SLC22A23: variants seen among roughly 807,000 people sequenced by gnomAD.
The protein encoded by SLC22A23 is solute carrier family 22 member 23.
In SLC22A23, 26 loss-of-function variants were observed where a neutral mutation model predicts 61.0. The ratio of observed to expected loss-of-function variants is 0.43; its 90% CI spans 0.31 to 0.59. The LOEUF (loss-of-function observed/expected upper bound fraction) is 0.59. Among genes scored for constraint, SLC22A23 ranks in the 20% least tolerant of loss-of-function variants. SLC22A23 has a pLI of 0.11. For synonymous variants in SLC22A23, 430 were observed against 413.9 expected, an observed-to-expected ratio of 1.04 and a Z score of -0.47; for missense variants, 796 against 934.7, an observed-to-expected ratio of 0.85 and a Z score of 1.94.
At chr6:3,406,042 G>T (rs1015900191) in intron 3 of SLC22A23, among the ~76,000 whole-genome samples, 2 of 152,044 alleles carry the variant, frequency 1.3e-5, no homozygotes, top group Admixed American at 1.3e-4. Flanking sequence ...TTCATTGTTG[G>T]GGGGAAAAAA....
chr6:3,381,583 C>T (rs758497165), intron 3 of SLC22A23, among the ~76,000 whole-genome samples: 111 of 152,320 alleles, frequency 7.3e-4, no homozygotes, highest in Non-Finnish European at 1.3e-3. Flanking sequence ...CAGCCAGACA[C>T]GCTGTGCTCC....
rs1351468312 is a variant in SLC22A23, at chr6:3,387,248, G to A, written c.913+22940C>T. On this transcript the variant is annotated intron_variant, in intron 3 of 9. Transcript: ENST00000406686. This position sits in a 1 kb window ranked among gnomAD's most constrained non-coding sequence, Gnocchi z 5.0. ...CCCATCTCAACTGAGGAAGGTTAGC[G>A]TGACCAGTGACAGCTCACGCTGACG... is the stretch of plus-strand genomic sequence containing the variant. Among the ~76,000 whole-genome samples, 1 of 152,250 alleles carries A rather than the reference G, an allele frequency of 6.6e-6. No individual in the cohort carries two copies. The highest frequency in any genetic ancestry group is 2.4e-5 in the African/African-American group (1 of 41,464).
chr6:3,420,237 A>G (rs1770027216), intron 1 of SLC22A23, among the ~76,000 whole-genome samples: 1 of 152,042 alleles, frequency 6.6e-6, no homozygotes, highest in African/African-American at 2.4e-5. Context: ...AATGAGAAAA[A>G]AAAAAAAAAA....
In SLC22A23 at chr6:3,318,587, G is replaced by A. The variant is rs889365963; in HGVS notation, c.1082+5247C>T. ...TGGCCCACCCCAGTGCTTCCCAGGA[G>A]GCCCTGTGTGGTCCTATGTACCCCT... On this transcript the variant is annotated intron_variant, in intron 4 of 9. Coordinates refer to ENST00000406686, the MANE Select transcript of SLC22A23 (RefSeq NM_015482.2). The surrounding 1 kb of genome is among the most constrained non-coding windows in gnomAD (Gnocchi z 4.3). Among the ~76,000 whole-genome samples the A allele has an allele frequency of 3.2e-4, 49 of 152,152 alleles. No individual in the cohort carries two copies. Among genetic ancestry groups the A allele is most frequent in the South Asian group, 1.7e-3 (8 of 4,824 alleles).
In SLC22A23 at chr6:3,292,492, C is replaced by A. The variant is rs555370709; in HGVS notation, c.1211-2626G>T. Among the ~76,000 whole-genome samples, 997 of 152,290 alleles carry A rather than the reference C, an allele frequency of 6.5e-3. 3 individuals are homozygous for A. The highest frequency in any genetic ancestry group is 0.011 in the Non-Finnish European group (746 of 68,028). On this transcript the variant is annotated intron_variant, in intron 5 of 9. Coordinates refer to ENST00000406686, the MANE Select transcript of SLC22A23 (RefSeq NM_015482.2). ...GAGCACCCAGCTCCCATGCTCTCCT[C>A]GAGACAGAGGAGGAGGAGGACACAT...
chr6:3,450,572 T>C (rs1007574776), intron 1 of SLC22A23, among the ~76,000 whole-genome samples: 3 of 152,246 alleles, frequency 2.0e-5, no homozygotes, highest in African/African-American at 7.2e-5. Context: ...CCCAAAGTGC[T>C]GGCATTACAG....
In SLC22A23 at chr6:3,386,369, C is replaced by T. The variant is rs916877827; in HGVS notation, c.913+23819G>A. 1.3e-5 allele frequency among the ~76,000 whole-genome samples: 2 copies of T among 152,182 alleles called. No homozygotes were observed. The highest frequency in any genetic ancestry group is 2.4e-5 in the African/African-American group (1 of 41,444). ...GGAGAGCGAAGGAGAAGGGAGAGCA[C>T]GCTTGCTCTGTGTACGCCACACGCA... On this transcript the variant is annotated intron_variant, in intron 3 of 9. Transcript: ENST00000406686. This position sits in a 1 kb window ranked among gnomAD's most constrained non-coding sequence, Gnocchi z 4.4.
At chr6:3,294,632 G>A (rs1349350659) in intron 5 of SLC22A23, among the ~76,000 whole-genome samples, 3 of 152,162 alleles carry the variant, frequency 2.0e-5, no homozygotes, top group Non-Finnish European at 4.4e-5. Context: ...GAACCAGCGG[G>A]CCTTCTACTC....
At chr6:3,331,552 T>C (rs1440858389) in intron 3 of SLC22A23, among the ~76,000 whole-genome samples, 1 of 152,196 alleles carries the variant, frequency 6.6e-6, no homozygotes, top group East Asian at 1.9e-4. Flanking sequence ...GGATAATAAT[T>C]TGAGGAAAAT....
intron 6 of SLC22A23, among the ~76,000 whole-genome samples, 159 bp downstream of exon 6, chr6:3,289,605 G>A (rs1003046283): frequency 3.9e-5 from 6 of 152,306 alleles, no homozygotes; most frequent in East Asian, 1.9e-4. Flanking sequence ...TTCCGGGAGC[G>A]GGGGAGGTCA....
intron 9 of SLC22A23, among the ~76,000 whole-genome samples, chr6:3,274,546 G>A (rs1758722023): frequency 6.6e-6 from 1 of 152,196 alleles, no homozygotes; most frequent in African/African-American, 2.4e-5. Flanking sequence ...CTGAAAGGGA[G>A]GTCCCTGCAA....
At chr6:3,350,436 T>C (rs1460515305) in intron 3 of SLC22A23, among the ~76,000 whole-genome samples, 1 of 152,244 alleles carries the variant, frequency 6.6e-6, no homozygotes, top group African/African-American at 2.4e-5. Flanking sequence ...GTGAAGTTTA[T>C]GTGAAATTGA....
At position 3,430,082 on chromosome 6, in the gene SLC22A23, A is replaced by G. The variant is rs113121734; in HGVS notation, c.655-14227T>C. ...ACACGCACACACAAAAAAAAGTTTA[A>G]AGAAAGTGTTATCTTCAGGAAATGG... On this transcript the variant is annotated intron_variant, in intron 1 of 9. Transcript: ENST00000406686. Among the ~76,000 whole-genome samples, 1,028 of 152,326 alleles carry G rather than the reference A, an allele frequency of 6.7e-3. 11 individuals carry two copies. Among genetic ancestry groups the G allele is most frequent in the Non-Finnish European group, 0.011 (722 of 68,034 alleles).
chr6:3,283,160 G>A (rs557054165), intron 9 of SLC22A23, among the ~76,000 whole-genome samples: 92 of 152,270 alleles, frequency 6.0e-4, no homozygotes, highest in African/African-American at 2.1e-3. Context: ...GGCCTGGCAC[G>A]GTGGTTCACG....
rs764291800 is a variant in SLC22A23 at position 3,273,079 on chromosome 6, C to T, written c.2037G>A (p.Thr679=). ...GCTACATGGCCTTCATGCCGTTGGCCGTGGCACCCTCGGGCAGTGTGTCAC... is the reference window on the plus strand; with the variant it reads ...GCTACATGGCCTTCATGCCGTTGGCTGTGGCACCCTCGGGCAGTGTGTCAC... ...AAGDTLPEGA[T]ANGMKAM Residue 679 remains threonine, a synonymous_variant, in exon 10 of 10, where the codon ACG becomes ACA. Coordinates refer to ENST00000406686, the MANE Select transcript of SLC22A23 (RefSeq NM_015482.2). The T allele has an allele frequency of 8.2e-6, 13 of 1,576,206 alleles. No individual in the cohort carries two copies. In the Admixed American group the frequency reaches 1.6e-4, roughly 19 times the overall value.
intron 1 of SLC22A23, chr6:3,445,037 C>A (rs183669492): frequency 3.9e-5 from 37 of 945,942 alleles, no homozygotes; most frequent in Non-Finnish European, 4.2e-5. Flanking sequence ...GGGTGGGGCA[C>A]GCTTCCCAGT....
intron 1 of SLC22A23, among the ~76,000 whole-genome samples, chr6:3,452,231 G>A (rs756179754): frequency 6.6e-6 from 1 of 152,146 alleles, no homozygotes; most frequent in Admixed American, 6.5e-5. Flanking sequence ...AGGAGCATCT[G>A]TACCTGGTTC....
In SLC22A23 at chr6:3,324,621, G is replaced by A. The variant is rs1581693159; in HGVS notation, c.914-619C>T. ...TAAACAAGACAAAAACCAACAATAA[G>A]GCTGACTCAGATCATATAGCAATGA... On this transcript the variant is annotated intron_variant, in intron 3 of 9. Transcript: ENST00000406686. This position sits in a 1 kb window ranked among gnomAD's most constrained non-coding sequence, Gnocchi z 4.3. Among the ~76,000 whole-genome samples the A allele has an allele frequency of 6.6e-6, 1 of 152,112 alleles. No homozygotes were observed. Among genetic ancestry groups the A allele is most frequent in the African/African-American group, 2.4e-5 (1 of 41,396 alleles).
chr6:3,275,906 A>G (rs1409284330), intron 9 of SLC22A23, among the ~76,000 whole-genome samples: 1 of 152,236 alleles, frequency 6.6e-6, no homozygotes, highest in Non-Finnish European at 1.5e-5. Flanking sequence ...AAGACAGATA[A>G]TCCAGTAAAA....
Sources: allele counts gnomAD v4.1 joint callset (sites outside exome capture counted in the v4.1 genomes callset), GRCh38; gene constraint gnomAD v4.1.1; non-coding constraint Gnocchi (gnomAD v3.1); transcripts MANE v1.5; gene names NCBI Gene and HGNC (gene_info 2026-07-23, HGNC 2026-07-21).